The following ZSCAN5A variants were observed in gnomAD, a reference collection of about 807,000 sequenced individuals.
ZSCAN5A encodes the protein zinc finger and SCAN domain containing 5A, also known as zinc finger and SCAN domain-containing protein 5A.
ZSCAN5A carries 12 observed loss-of-function variants against 23.7 expected under a neutral mutation model. The observed-to-expected ratio is 0.51, with a 90% confidence interval of 0.32 to 0.82. The LOEUF is 0.82. Ranked by LOEUF, ZSCAN5A falls within the 40% of genes least tolerant of loss-of-function variation. The probability of loss-of-function intolerance (pLI) is 0.03; values close to 1 mark genes in which losing one functional copy is unlikely to be tolerated. For missense variants in ZSCAN5A, 597 were observed against 617.9 expected, an observed-to-expected ratio of 0.97 and a Z score of 0.36; for synonymous variants, 257 against 239.9, an observed-to-expected ratio of 1.07 and a Z score of -0.66.
At chr19:56,284,916 T>C (rs1156363904) in intron 2 of ZSCAN5A, 3 of 671,988 alleles carry the variant, frequency 4.5e-6, no homozygotes, top group East Asian at 1.4e-4. Context: ...TTGTTACATC[T>C]GTTGAACTGG....
chr19:56,357,516 C>G (rs888298175), intron 2 of ZSCAN5A, among the ~76,000 whole-genome samples: 1 of 147,584 alleles, frequency 6.8e-6, no homozygotes, highest in Non-Finnish European at 1.5e-5. Context: ...GCAACTATAC[C>G]ACAAAATATT....
rs149217158 is a variant in ZSCAN5A at position 56,352,767 on chromosome 19, A to C, written c.-358+10468T>G. Among the ~76,000 whole-genome samples, 92 of 152,260 alleles carry C rather than the reference A, an allele frequency of 6.0e-4. No homozygotes were observed. The highest frequency in any genetic ancestry group is 2.1e-3 in the African/African-American group (89 of 41,536). Reference sequence around the variant, plus strand: ...CTGATCAGGTATCAAGGATGGGGGGATTCTCATTACCCTTGTTGAAACTGG... The same window carrying C: ...CTGATCAGGTATCAAGGATGGGGGGCTTCTCATTACCCTTGTTGAAACTGG... On this transcript the variant is annotated intron_variant, in intron 2 of 6. Coordinates refer to the ZSCAN5A transcript ENST00000587340. This position sits in a 1 kb window ranked among gnomAD's most constrained non-coding sequence, Gnocchi z 4.2.
At chr19:56,252,597 A>G (rs1011983338) in intron 2 of ZSCAN5A, among the ~76,000 whole-genome samples, 5 of 152,220 alleles carry the variant, frequency 3.3e-5, no homozygotes, top group African/African-American at 9.6e-5. Flanking sequence ...CACTGGCACT[A>G]GAAGAGGGAG....
upstream of ZSCAN5A, chr19:56,318,109 T>C: frequency 6.8e-6 from 1 of 146,296 alleles, no homozygotes; most frequent in Admixed American, 7.1e-5. Flanking sequence ...TTAGGTGGAC[T>C]GTTTGGCTGG....
At chr19:56,350,742 T>G (rs766685113) in intron 2 of ZSCAN5A, among the ~76,000 whole-genome samples, 6 of 152,156 alleles carry the variant, frequency 3.9e-5, no homozygotes, top group Non-Finnish European at 8.8e-5. Context: ...CCACTAACGG[T>G]GGTAATTTTA....
chr19:56,281,562 A>G (rs1424489865), intron 2 of ZSCAN5A: 1 of 329,400 alleles, frequency 3.0e-6, no homozygotes, highest in African/African-American at 2.2e-5. Flanking sequence ...CAGGCAAATA[A>G]ATGTTCCATG....
chr19:56,367,189 A>T (rs942331606), intron 1 of ZSCAN5A: 10 of 152,032 alleles, frequency 6.6e-5, no homozygotes, highest in Admixed American at 6.5e-4. Context: ...GTGAGATCTC[A>T]CCTATACTTA....
chr19:56,305,403 C>A (rs1470491054), intron 2 of ZSCAN5A, among the ~76,000 whole-genome samples: 3 of 152,172 alleles, frequency 2.0e-5, no homozygotes, highest in Admixed American at 1.3e-4. Flanking sequence ...TCATGGTATA[C>A]CTTGTATCAG....
intron 2 of ZSCAN5A, among the ~76,000 whole-genome samples, chr19:56,355,999 T>C (rs556740911): frequency 6.7e-6 from 1 of 148,732 alleles, no homozygotes; most frequent in East Asian, 1.9e-4. Flanking sequence ...CAGATACCAG[T>C]GTGTAGTTGG....
At chr19:56,302,572 T>TCC (rs2040373499) in intron 2 of ZSCAN5A, among the ~76,000 whole-genome samples, 3 of 61,888 alleles carry the variant, frequency 4.8e-5, no homozygotes, top group African/African-American at 1.8e-4. Context: ...CCCTTCCTTT[T>TCC]CTTCCTCCCC....
intron 2 of ZSCAN5A, chr19:56,228,363 G>A (rs369169537): frequency 1.3e-5 from 13 of 985,200 alleles, no homozygotes; most frequent in East Asian, 1.1e-4. Flanking sequence ...CCGCGTTTCC[G>A]GTTCCCTGCG....
At chr19:56,330,405 C>G (rs1051732123) in intron 2 of ZSCAN5A, among the ~76,000 whole-genome samples, 5 of 152,174 alleles carry the variant, frequency 3.3e-5, no homozygotes, top group Non-Finnish European at 7.3e-5. Flanking sequence ...TGAAAAATCT[C>G]CAAACTGCTT....
At chr19:56,272,472 C>T (rs1283314980) in intron 2 of ZSCAN5A, among the ~76,000 whole-genome samples, 2 of 152,116 alleles carry the variant, frequency 1.3e-5, no homozygotes, top group Non-Finnish European at 2.9e-5. Context: ...ATCTTCATGT[C>T]ATGAAATATT....
chr19:56,239,304 G>A (rs558836371), intron 2 of ZSCAN5A, among the ~76,000 whole-genome samples: 6 of 152,348 alleles, frequency 3.9e-5, no homozygotes, highest in African/African-American at 1.4e-4. Context: ...ATGGATTTGT[G>A]AATCAGTCAG....
rs201961346 is a variant in ZSCAN5A at position 56,250,488 on chromosome 19, T to C, written c.-127-25315A>G. ...TGTTAAAATGCAGGGTCTGATTCAG[T>C]GACAGGCTCCAGGTGAGGCACATGC... is the stretch of plus-strand genomic sequence containing the variant. On this transcript the variant is annotated intron_variant, in intron 2 of 5. Coordinates refer to ENST00000683990, the MANE Select transcript of ZSCAN5A (RefSeq NM_001322064.3). Among the ~76,000 whole-genome samples, 35 of 152,330 alleles carry C rather than the reference T, an allele frequency of 2.3e-4. 1 individual carries two copies. The East Asian group carries it at 4.1e-3, about 18-fold the overall frequency.
chr19:56,302,219 C>T (rs145406086), intron 2 of ZSCAN5A: 5 of 552,548 alleles, frequency 9.0e-6, no homozygotes, highest in South Asian at 9.9e-5. Context: ...GGTGGGAGAG[C>T]CCTTCTGTAA....
chr19:56,291,845 C>T (rs1373520957), intron 2 of ZSCAN5A, among the ~76,000 whole-genome samples: 1 of 152,132 alleles, frequency 6.6e-6, no homozygotes, highest in Admixed American at 6.5e-5. Flanking sequence ...ATCAGGCATT[C>T]ATGTAATGCC....
chr19:56,277,187 G>C (rs1275451700), intron 2 of ZSCAN5A, among the ~76,000 whole-genome samples: 2 of 152,294 alleles, frequency 1.3e-5, no homozygotes, highest in African/African-American at 4.8e-5. Context: ...CTCTAGGTAT[G>C]TGCCCAAGAT....
chr19:56,318,477 G>A (rs375838404), upstream of ZSCAN5A, among the ~76,000 whole-genome samples: 3 of 152,100 alleles, frequency 2.0e-5, no homozygotes, highest in African/African-American at 7.2e-5. Flanking sequence ...ACATCAAAGT[G>A]CCACATATGA....
Sources: allele counts gnomAD v4.1 joint callset (sites outside exome capture counted in the v4.1 genomes callset), GRCh38; gene constraint gnomAD v4.1.1; non-coding constraint Gnocchi (gnomAD v3.1); transcripts MANE v1.5; gene names NCBI Gene and HGNC (gene_info 2026-07-23, HGNC 2026-07-21).